The following RNLS variants were observed in gnomAD, a reference collection of about 807,000 sequenced individuals.
RNLS encodes the protein renalase, FAD dependent amine oxidase, also known as renalase.
In RNLS, 39 loss-of-function variants were observed where a neutral mutation model predicts 39.8. That is an observed-to-expected ratio of 0.98 (90% confidence interval 0.76 to 1.28). The LOEUF is 1.28. Among genes scored for constraint, RNLS ranks in the 50% most tolerant of loss-of-function variants. The pLI is 0.00. For synonymous variants in RNLS, 147 were observed against 150.7 expected (o/e 0.98, Z 0.18); for missense variants, 410 against 413.3 (o/e 0.99, Z 0.07).
intron 4 of RNLS, among the ~76,000 whole-genome samples, chr10:88,463,971 T>C (rs1843070404): frequency 6.6e-6 from 1 of 152,032 alleles, no homozygotes; most frequent in Non-Finnish European, 1.5e-5. Flanking sequence ...GACCATCATC[T>C]TAAACAAACA....
the RNLS span, among the ~76,000 whole-genome samples, chr10:88,257,560 T>A: frequency 1.3e-5 from 2 of 152,128 alleles, no homozygotes; most frequent in Non-Finnish European, 2.9e-5. Context: ...GAATGACAAC[T>A]GGGAACAAAC....
the RNLS span, among the ~76,000 whole-genome samples, chr10:88,192,085 C>T: frequency 6.6e-6 from 1 of 152,134 alleles, no homozygotes; most frequent in Admixed American, 6.5e-5. Flanking sequence ...GGCACTTTCT[C>T]AACAAAAGAG....
At chr10:88,197,366 T>C in the RNLS span, among the ~76,000 whole-genome samples, 162 of 152,308 alleles carry the variant, frequency 1.1e-3, 1 homozygote, top group African/African-American at 3.7e-3. Flanking sequence ...TCCTGCCCAA[T>C]ATGGCACCTT....
At chr10:88,480,761 C>T (rs1170108039) in intron 4 of RNLS, among the ~76,000 whole-genome samples, 1 of 148,632 alleles carries the variant, frequency 6.7e-6, no homozygotes. Context: ...TATGGAACTG[C>T]ATTAGTACTG....
the RNLS span, among the ~76,000 whole-genome samples, chr10:88,186,222 G>A: frequency 6.6e-6 from 1 of 152,128 alleles, no homozygotes; most frequent in Admixed American, 6.5e-5. Context: ...TCTGGCGCTG[G>A]GGTTCAGGGT....
chr10:88,350,769 A>C (rs1848637155), intron 5 of RNLS, among the ~76,000 whole-genome samples: 1 of 152,156 alleles, frequency 6.6e-6, no homozygotes, highest in South Asian at 2.1e-4. Flanking sequence ...GCTGGGTCAA[A>C]TGGTATTTCT....
chr10:88,227,379 A>G, the RNLS span, among the ~76,000 whole-genome samples: 1 of 152,226 alleles, frequency 6.6e-6, no homozygotes, highest in South Asian at 2.1e-4. Flanking sequence ...TAAAGACATA[A>G]TAACTAAATT....
At chr10:88,491,743 CA>C (rs1844890676) in intron 4 of RNLS, among the ~76,000 whole-genome samples, 1 of 152,148 alleles carries the variant, frequency 6.6e-6, no homozygotes, top group Non-Finnish European at 1.5e-5. Flanking sequence ...AGACTATCCA[CA>C]CACCCAAGTA....
At chr10:88,338,854 C>T (rs1485420225) in intron 5 of RNLS, among the ~76,000 whole-genome samples, 5 of 151,774 alleles carry the variant, frequency 3.3e-5, no homozygotes, top group Admixed American at 2.6e-4. Context: ...CTCCGCCTCC[C>T]GGGCTCACGC....
the RNLS span, among the ~76,000 whole-genome samples, chr10:88,234,834 G>C: frequency 6.6e-6 from 1 of 152,166 alleles, no homozygotes; most frequent in South Asian, 2.1e-4. Flanking sequence ...TCTGCTTTTA[G>C]AAGAGACCAG....
chr10:88,484,753 G>A (rs957319815), intron 4 of RNLS, among the ~76,000 whole-genome samples: 4 of 151,856 alleles, frequency 2.6e-5, no homozygotes, highest in Non-Finnish European at 5.9e-5. Flanking sequence ...AGTAACTGAA[G>A]GTAGAGGTAA....
intron 4 of RNLS, among the ~76,000 whole-genome samples, chr10:88,504,061 C>T (rs1490750221): frequency 6.6e-6 from 1 of 152,106 alleles, no homozygotes; most frequent in African/African-American, 2.4e-5. Context: ...AGCCTGCCAG[C>T]AACCACGTGA....
At position 88,565,747 on chromosome 10, in the gene RNLS, CTT is replaced by C. The variant is rs34655092; in HGVS notation, c.526+7154_526+7155del. On this transcript the variant is annotated intron_variant, in intron 4 of 6. Transcript: ENST00000331772. ...TTAAAACAGTGTCAACGTTATCTTT[CTT>C]TTTTTTTTTTTTTTTTTTTGAGAGG... Among the ~76,000 whole-genome samples, 620 of 98,024 alleles carry C rather than the reference CTT, an allele frequency of 6.3e-3. 1 individual carries two copies. Among genetic ancestry groups the C allele is most frequent in the East Asian group, 0.024 (91 of 3,762 alleles). 64.3% of individuals were successfully genotyped at this position (98,024 alleles called of 152,430 possible).
chr10:88,232,377 T>G, the RNLS span, among the ~76,000 whole-genome samples: 135 of 152,180 alleles, frequency 8.9e-4, no homozygotes, highest in African/African-American at 3.1e-3. Flanking sequence ...GAAAAAGAGG[T>G]GATTTTCAAC....
intron 4 of RNLS, among the ~76,000 whole-genome samples, chr10:88,454,874 T>C (rs1842543435): frequency 6.6e-6 from 1 of 152,170 alleles, no homozygotes; most frequent in Non-Finnish European, 1.5e-5. Flanking sequence ...GTTAAGCAAG[T>C]CTGGACATAT....
At chr10:88,190,081 TG>T in the RNLS span, among the ~76,000 whole-genome samples, 1 of 152,244 alleles carries the variant, frequency 6.6e-6, no homozygotes, top group Non-Finnish European at 1.5e-5. Flanking sequence ...ACCCTGTGTT[TG>T]GGGTCCCCAC....
intron 4 of RNLS, among the ~76,000 whole-genome samples, chr10:88,497,542 C>T (rs139336905): frequency 7.9e-5 from 12 of 151,820 alleles, no homozygotes; most frequent in African/African-American, 2.7e-4. Flanking sequence ...AAAATAAATG[C>T]CATGATTTAA....
chr10:88,187,435 A>T, the RNLS span, among the ~76,000 whole-genome samples: 1 of 151,974 alleles, frequency 6.6e-6, no homozygotes, highest in Non-Finnish European at 1.5e-5. Context: ...TGGGACAGAC[A>T]TTTGCCCCTC....
chr10:88,301,775 T>C (rs1225197184), intron 6 of RNLS, among the ~76,000 whole-genome samples: 1 of 152,154 alleles, frequency 6.6e-6, no homozygotes, highest in Non-Finnish European at 1.5e-5. Context: ...TCCCTGGCAT[T>C]GAATTGGTCC....
Sources: gnomAD v4.1 joint callset for allele counts (sites outside exome capture counted in the v4.1 genomes callset) on GRCh38, gnomAD v4.1.1 for gene constraint, MANE v1.5 for transcripts, NCBI Gene and HGNC (gene_info 2026-07-23, HGNC 2026-07-21) for gene names.